The following STK10 variants were observed in gnomAD, a reference collection of about 807,000 sequenced individuals.
STK10 encodes serine/threonine-protein kinase 10.
In STK10, 78 loss-of-function variants were observed where a neutral mutation model predicts 113.8. The ratio of observed to expected loss-of-function variants is 0.69; its 90% CI spans 0.57 to 0.83. The LOEUF (loss-of-function observed/expected upper bound fraction) is 0.83, where lower values mean the gene tolerates loss of function less well. Among genes scored for constraint, STK10 ranks in the 40% least tolerant of loss-of-function variants. The pLI is 0.00. For synonymous variants in STK10, 465 were observed against 494.7 expected (o/e 0.94, Z 0.80); for missense variants, 1,109 against 1,280.1 (o/e 0.87, Z 2.04).
chr5:172,168,541 A>C (rs1439360329), intron 1 of STK10, among the ~76,000 whole-genome samples: 1 of 152,162 alleles, frequency 6.6e-6, no homozygotes, highest in Non-Finnish European at 1.5e-5. Flanking sequence ...TGGGAGGCCC[A>C]GGTCCTTGCG....
At chr5:172,161,774 C>A (rs371594859) in intron 1 of STK10, among the ~76,000 whole-genome samples, 1 of 152,060 alleles carries the variant, frequency 6.6e-6, no homozygotes, top group Admixed American at 6.6e-5. Context: ...GAGACCGATC[C>A]GAGGCAGAGT....
intron 15 of STK10, 44 bp from the exon 16 acceptor site, chr5:172,055,820 G>C (rs1429037954): frequency 5.8e-6 from 8 of 1,389,056 alleles, no homozygotes; most frequent in African/African-American, 3.0e-5. Flanking sequence ...CTGCACTCTG[G>C]ACTCAGAGCG....
chr5:172,150,936 G>A (rs867472491), intron 2 of STK10, among the ~76,000 whole-genome samples: 1 of 152,204 alleles, frequency 6.6e-6, no homozygotes, highest in Non-Finnish European at 1.5e-5. Context: ...CCACCCCAAA[G>A]GGACTTTGGC....
intron 2 of STK10, among the ~76,000 whole-genome samples, chr5:172,141,564 C>T (rs1238971654): frequency 6.9e-6 from 1 of 145,218 alleles, no homozygotes; most frequent in Non-Finnish European, 1.5e-5. Flanking sequence ...GCCTGTGTGT[C>T]AGAGCCAGAC....
intron 12 of STK10, among the ~76,000 whole-genome samples, chr5:172,076,672 C>A (rs1430992348): frequency 6.6e-6 from 1 of 152,202 alleles, no homozygotes; most frequent in Non-Finnish European, 1.5e-5. Flanking sequence ...GGATCACTGT[C>A]TTAGAAGTCC....
intron 2 of STK10, among the ~76,000 whole-genome samples, chr5:172,150,503 A>G (rs1178963511): frequency 6.6e-6 from 1 of 151,942 alleles, no homozygotes; most frequent in Non-Finnish European, 1.5e-5. Context: ...AAAAGAAAGA[A>G]AGAAGAACTC....
chr5:172,106,452 C>G (rs904531037), intron 6 of STK10, among the ~76,000 whole-genome samples, 168 bp downstream of exon 6: 1 of 135,484 alleles, frequency 7.4e-6, no homozygotes, highest in East Asian at 2.4e-4. Context: ...ACGAAGGGCC[C>G]GGGGGGGCTC....
At chr5:172,068,602 G>C (rs1239368476) in intron 12 of STK10, among the ~76,000 whole-genome samples, 2 of 152,162 alleles carry the variant, frequency 1.3e-5, no homozygotes, top group African/African-American at 2.4e-5. Flanking sequence ...AAATCTCAAT[G>C]ACCATTTAAA....
chr5:172,067,371 G>GAATAAATA (rs59853296), intron 12 of STK10, among the ~76,000 whole-genome samples: 13 of 147,152 alleles, frequency 8.8e-5, no homozygotes, highest in South Asian at 2.1e-4. Context: ...TAAATAAATA[G>GAATAAATA]AATAAATAAA....
In STK10 at chr5:172,162,471, T is replaced by TA. The variant is rs1359128010; in HGVS notation, c.157-5684dup. 2.6e-5 allele frequency among the ~76,000 whole-genome samples: 4 copies of TA among 152,252 alleles called. No individual in the cohort carries two copies. The East Asian group carries it at 7.7e-4, about 29-fold the overall frequency. On this transcript the variant is annotated intron_variant, in intron 1 of 18. Coordinates refer to ENST00000176763, the MANE Select transcript of STK10 (RefSeq NM_005990.4). ...TCTCTCACACACACACACACAGTCTTAACTGATTGTGTCCCTGCCTTTTCA... is the reference window on the plus strand; with the variant it reads ...TCTCTCACACACACACACACAGTCTTAAACTGATTGTGTCCCTGCCTTTTCA...
chr5:172,088,214 G>A (rs1768614439), intron 10 of STK10, among the ~76,000 whole-genome samples: 2 of 152,084 alleles, frequency 1.3e-5, no homozygotes, highest in Admixed American at 1.3e-4. Flanking sequence ...CCAGCTGCAT[G>A]GTTAAACGTT....
At chr5:172,175,419 G>A (rs1321157466) in intron 1 of STK10, among the ~76,000 whole-genome samples, 2 of 152,142 alleles carry the variant, frequency 1.3e-5, no homozygotes, top group Non-Finnish European at 2.9e-5. Flanking sequence ...AAGCCTTTCA[G>A]CACTCACCCT....
intron 18 of STK10, among the ~76,000 whole-genome samples, chr5:172,046,868 GCTA>G (rs548503536): frequency 9.9e-4 from 151 of 152,274 alleles, no homozygotes; most frequent in Admixed American, 2.7e-3. Flanking sequence ...GCAGTGGTTT[GCTA>G]ACACCTACTT....
chr5:172,070,616 A>G (rs1221126820), intron 12 of STK10, among the ~76,000 whole-genome samples: 1 of 152,128 alleles, frequency 6.6e-6, no homozygotes, highest in Admixed American at 6.6e-5. Context: ...TTTAAACCCA[A>G]GACTAATATA....
chr5:172,090,369 A>G lies in STK10; in HGVS notation c.1555-7T>C, dbSNP rs1394860906. 6.2e-7 allele frequency: 1 copy of G among 1,613,172 alleles called. No homozygotes were observed. The highest frequency in any genetic ancestry group is 2.2e-5 in the East Asian group (1 of 44,842). On this transcript the variant is annotated splice_polypyrimidine_tract_variant and splice_region_variant and intron_variant, in intron 9 of 18. Coordinates refer to ENST00000176763, the MANE Select transcript of STK10 (RefSeq NM_005990.4). Reference sequence around the variant, plus strand: ...TTTTGTACAGTTTCGGGTCCTGGCCAGGGAAAACCATTAGACAAGTCTCAG... The same window carrying G: ...TTTTGTACAGTTTCGGGTCCTGGCCGGGGAAAACCATTAGACAAGTCTCAG...
At chr5:172,175,309 G>C (rs913618340) in intron 1 of STK10, among the ~76,000 whole-genome samples, 3 of 152,118 alleles carry the variant, frequency 2.0e-5, no homozygotes, top group African/African-American at 7.2e-5. Flanking sequence ...GCTATGGGGG[G>C]AGAAGGGAAA....
At position 172,148,104 on chromosome 5, in the gene STK10, G is replaced by A. The variant is rs149268252; in HGVS notation, c.321+8520C>T. Among the ~76,000 whole-genome samples the A allele has an allele frequency of 8.1e-3, 1,230 of 152,226 alleles. 6 individuals carry two copies. Among genetic ancestry groups the A allele is most frequent in the South Asian group, 0.027 (130 of 4,824 alleles). On this transcript the variant is annotated intron_variant, in intron 2 of 18. Coordinates refer to ENST00000176763, the MANE Select transcript of STK10 (RefSeq NM_005990.4). ...AGCAGGTCTGGGACCCTCCTACACT[G>A]CTACTGTCTGCCAGCTGGGTTTCCA...
chr5:172,057,692 G>A (rs1447851229), intron 14 of STK10, among the ~76,000 whole-genome samples: 1 of 152,232 alleles, frequency 6.6e-6, no homozygotes, highest in East Asian at 1.9e-4. Context: ...GCTCCCAGGA[G>A]CATGGTATAG....
In STK10 at chr5:172,093,673, A is replaced by G. The variant is rs1230082135; in HGVS notation, c.1293T>C (p.Ala431=). The change falls in exon 9 of 19, where the codon GCT becomes GCC. Residue 431 remains alanine, a synonymous_variant. Coordinates refer to ENST00000176763, the MANE Select transcript of STK10 (RefSeq NM_005990.4). This position sits in a 1 kb window ranked among gnomAD's most constrained non-coding sequence, Gnocchi z 4.1. ...RIQVAQEKQV[A]EQGGDLSPAA... Reference sequence around the variant, plus strand: ...CTGGGCTGAGGTCCCCACCCTGCTCAGCAACTTGCTTCTCCTGGGCTACCT... The same window carrying G: ...CTGGGCTGAGGTCCCCACCCTGCTCGGCAACTTGCTTCTCCTGGGCTACCT... The G allele has an allele frequency of 1.2e-6, 2 of 1,614,238 alleles. No individual in the cohort carries two copies. Among genetic ancestry groups the G allele is most frequent in the Non-Finnish European group, 1.7e-6 (2 of 1,180,038 alleles).
Sources: allele counts gnomAD v4.1 joint callset (sites outside exome capture counted in the v4.1 genomes callset), GRCh38; gene constraint gnomAD v4.1.1; non-coding constraint Gnocchi (gnomAD v3.1); transcripts MANE v1.5; gene names NCBI Gene and HGNC (gene_info 2026-07-23, HGNC 2026-07-21).